ADIPOQ: variants seen among roughly 807,000 people sequenced by gnomAD.
ADIPOQ encodes adiponectin.
A neutral mutation model predicts 16.1 loss-of-function variants in ADIPOQ; 19 were observed. The observed-to-expected ratio is 1.18, with a 90% CI of 0.82 to 1.73. ADIPOQ has a LOEUF of 1.73. Among genes scored for constraint, ADIPOQ ranks in the 40% most tolerant of loss-of-function variants. The pLI is 0.00. For missense variants in ADIPOQ, 323 were observed against 308.3 expected (o/e 1.05, Z -0.36); for synonymous variants, 124 against 125.5 (o/e 0.99, Z 0.08).
intron 1 of ADIPOQ, among the ~76,000 whole-genome samples, chr3:186,847,068 A>C (rs183926557): frequency 6.6e-6 from 1 of 152,158 alleles, no homozygotes; most frequent in Non-Finnish European, 1.5e-5. Context: ...CCCTTTCCTC[A>C]TCTCTAAAAT....
At chr3:186,845,358 A>G (rs960322349) in intron 1 of ADIPOQ, among the ~76,000 whole-genome samples, 1 of 151,848 alleles carries the variant, frequency 6.6e-6, no homozygotes, top group African/African-American at 2.4e-5. Context: ...CTACACTTTG[A>G]CTTTTATTTA....
Position 186,854,524 on chromosome 3 carries a change from C to G in ADIPOQ, c.555C>G (p.Thr185=). 3 of 1,614,212 alleles carry G rather than the reference C, an allele frequency of 1.9e-6. No individual in the cohort carries two copies. The highest frequency in any genetic ancestry group is 2.5e-6 in the Non-Finnish European group (3 of 1,180,042). ...AGAAGGACAAGGCTATGCTCTTCAC[C>G]TATGATCAGTACCAGGAAAATAATG... is the stretch of plus-strand genomic sequence containing the variant. ...LFKKDKAMLF[T]YDQYQENNVD... Residue 185 remains threonine, a synonymous_variant, in exon 3 of 3, where the codon ACC becomes ACG. Transcript: ENST00000320741.
chr3:186,849,518 T>TGA (rs1443351500), intron 1 of ADIPOQ, among the ~76,000 whole-genome samples: 10 of 151,634 alleles, frequency 6.6e-5, no homozygotes, highest in African/African-American at 2.4e-4. Context: ...CAGAAGCTAT[T>TGA]GAGAACACTC....
chr3:186,854,371 G>C lies in ADIPOQ; in HGVS notation c.402G>C (p.Lys134Asn), dbSNP rs902771821. Residue 134 changes from lysine to asparagine, a missense_variant, in exon 3 of 3, where the codon AAG becomes AAC. Transcript: ENST00000320741. The stretch of plus-strand genomic sequence containing the variant: ...CCAACATGCCCATTCGCTTTACCAA[G>C]ATCTTCTACAATCAGCAAAACCACT... ...TIPNMPIRFT[K>N]IFYNQQNHYD... 4.3e-6 allele frequency: 7 copies of C among 1,614,038 alleles called. No homozygotes were observed. The highest frequency in any genetic ancestry group is 5.1e-6 in the Non-Finnish European group (6 of 1,180,034).
intron 1 of ADIPOQ, among the ~76,000 whole-genome samples, chr3:186,849,999 T>G (rs183601473): frequency 2.3e-4 from 35 of 152,330 alleles, no homozygotes; most frequent in Non-Finnish European, 4.4e-4. Flanking sequence ...CTGGGCGTGG[T>G]GGCTCATGCT....
chr3:186,853,277 G>A lies in ADIPOQ; in HGVS notation c.214+5G>A, dbSNP rs779893098. 6.3e-7 allele frequency: 1 copy of A among 1,584,420 alleles called. No homozygotes were observed. The highest frequency in any genetic ancestry group is 2.3e-5 in the East Asian group (1 of 43,560). On this transcript the variant is annotated splice_donor_5th_base_variant and intron_variant, in intron 2 of 2. Transcript: ENST00000320741. The stretch of plus-strand genomic sequence containing the variant: ...AGGGTGAGAAAGGAGATCCAGGTAA[G>A]AATGTTTCTGGCCTCTTTCATCACA...
At position 186,854,318 on chromosome 3, in the gene ADIPOQ, G is replaced by A. The variant is rs747223144; in HGVS notation, c.349G>A (p.Val117Met). The change falls in exon 3 of 3, where the codon GTG becomes ATG. Residue 117 changes from valine (V) to methionine (M), a missense_variant. By Grantham distance (21) the Val-to-Met change is conservative. Coordinates refer to ENST00000320741, the MANE Select transcript of ADIPOQ (RefSeq NM_004797.4). Reference protein sequence around the residue: ...GAYVYRSAFSVGLETYVTIPN... With the variant: ...GAYVYRSAFSMGLETYVTIPN... ...CTATGTATACCGCTCAGCATTCAGT[G>A]TGGGATTGGAGACTTACGTTACTAT... The A allele has an allele frequency of 6.2e-7, 1 of 1,614,218 alleles. No homozygotes were observed. The highest frequency in any genetic ancestry group is 8.5e-7 in the Non-Finnish European group (1 of 1,180,028).
chr3:186,843,985 G>A (rs757964245), intron 1 of ADIPOQ, among the ~76,000 whole-genome samples: 31 of 152,174 alleles, frequency 2.0e-4, no homozygotes, highest in African/African-American at 5.8e-4. Flanking sequence ...AGCCTCACAA[G>A]GGGTGGCACC....
In ADIPOQ at chr3:186,850,472, G is replaced by A. The variant is rs1008840179; in HGVS notation, c.-8-2579G>A. ...GCTGCCATGTGGGGATATGTATCAG[G>A]AGACTTAAAAATGTGCATACCTTTT... On this transcript the variant is annotated intron_variant, in intron 1 of 2. Transcript: ENST00000320741. 2.6e-5 allele frequency among the ~76,000 whole-genome samples: 4 copies of A among 152,030 alleles called. No homozygotes were observed. In the East Asian group the frequency reaches 5.8e-4, roughly 22 times the overall value.
At chr3:186,853,959 C>G (rs937736689) in intron 2 of ADIPOQ, 6 of 553,608 alleles carry the variant, frequency 1.1e-5, no homozygotes, top group Non-Finnish European at 1.9e-5. Flanking sequence ...ATGATAGAGA[C>G]CTATAGGAGA....
intron 1 of ADIPOQ, among the ~76,000 whole-genome samples, chr3:186,850,223 T>C (rs1478841687): frequency 6.8e-6 from 1 of 147,026 alleles, no homozygotes; most frequent in African/African-American, 2.6e-5. Flanking sequence ...TGAGCCGAGA[T>C]TGTGCCACTG....
chr3:186,854,143 G>A, intron 2 of ADIPOQ, 41 bp from the exon 3 acceptor site: 4 of 1,603,306 alleles, frequency 2.5e-6, no homozygotes, highest in Non-Finnish European at 3.4e-6. Flanking sequence ...CTAGGCAGGA[G>A]TTCTGTTCTT....
At chr3:186,853,368 G>T in intron 2 of ADIPOQ, 96 bp downstream of exon 2, 2 of 1,441,680 alleles carry the variant, frequency 1.4e-6, no homozygotes, top group Non-Finnish European at 1.9e-6. Context: ...GACACAGGGA[G>T]AAAGCAAAGC....
intron 1 of ADIPOQ, among the ~76,000 whole-genome samples, chr3:186,844,530 A>G (rs1245943746): frequency 4.3e-5 from 6 of 138,600 alleles, no homozygotes; most frequent in Non-Finnish European, 6.3e-5. Flanking sequence ...AAAAAAAAAA[A>G]TAGACACAAG....
chr3:186,849,158 C>T (rs1711667808), intron 1 of ADIPOQ, among the ~76,000 whole-genome samples: 1 of 152,182 alleles, frequency 6.6e-6, no homozygotes, highest in South Asian at 2.1e-4. Flanking sequence ...TTGGGGTAAG[C>T]CCCCCGTCAC....
intron 1 of ADIPOQ, among the ~76,000 whole-genome samples, chr3:186,850,031 G>T (rs1047220457): frequency 6.6e-6 from 1 of 152,136 alleles, no homozygotes; most frequent in African/African-American, 2.4e-5. Flanking sequence ...GACTTTGGGA[G>T]CCCAAGGCGG....
chr3:186,858,294 G>C lies in ADIPOQ; in HGVS notation c.*3590G>C, dbSNP rs766025315. 1.3e-5 allele frequency: 2 copies of C among 151,714 alleles called. No individual in the cohort carries two copies. Among genetic ancestry groups the C allele is most frequent in the African/African-American group, 4.8e-5 (2 of 41,378 alleles). 9.4% of individuals were successfully genotyped at this position (151,714 alleles called of 1,614,324 possible). A position where few individuals can be genotyped will look rare whatever the true frequency, so the allele number is the denominator to read the frequency against. On this transcript the variant is annotated 3_prime_UTR_variant, in exon 3 of 3. Transcript: ENST00000320741. ...CAACTTTCTTTTGATTAGTGTTTTT[G>C]TGGTATATCTTTTTCCATCATGTTA... is the stretch of plus-strand genomic sequence containing the variant.
intron 1 of ADIPOQ, among the ~76,000 whole-genome samples, chr3:186,843,992 C>T (rs1711513732): frequency 6.6e-6 from 1 of 152,150 alleles, no homozygotes; most frequent in Admixed American, 6.5e-5. Context: ...CAAGGGGTGG[C>T]ACCAACTCAC....
Position 186,854,220 on chromosome 3 carries a change from G to C in ADIPOQ, c.251G>C (p.Gly84Ala). The C allele has an allele frequency of 6.2e-7, 1 of 1,613,578 alleles. No individual in the cohort carries two copies. The highest frequency in any genetic ancestry group is 1.7e-4 in the Middle Eastern group (1 of 6,056). ...IGPKGDIGET[G>A]VPGAEGPRGF... is the part of the protein sequence containing the mutation. ...CCTAAGGGAGACATCGGTGAAACCG[G>C]AGTACCCGGGGCTGAAGGTCCCCGA... Residue 84 changes from glycine to alanine, a missense_variant, in exon 3 of 3, where the codon GGA becomes GCA. By Grantham distance (60) the Gly-to-Ala change is moderately conservative. Transcript: ENST00000320741.
Sources: gnomAD v4.1 joint callset for allele counts (sites outside exome capture counted in the v4.1 genomes callset) on GRCh38, gnomAD v4.1.1 for gene constraint, MANE v1.5 for transcripts, NCBI Gene and HGNC (gene_info 2026-07-23, HGNC 2026-07-21) for gene names.